Variants in ZNF644 observed in about 807,000 individuals in gnomAD.
ZNF644 encodes the protein zinc finger motif enhancer binding protein 2.
A neutral mutation model predicts 108.0 loss-of-function variants in ZNF644; 20 were observed. The observed-to-expected ratio is 0.19, with a 90% CI of 0.13 to 0.27. The LOEUF is 0.27. Ranked by LOEUF, ZNF644 falls within the 10% of genes least tolerant of loss-of-function variation. The probability of loss-of-function intolerance (pLI) is 1.00; values close to 1 mark genes in which losing one functional copy is unlikely to be tolerated. For missense variants in ZNF644, 1,338 were observed against 1,548.9 expected (o/e 0.86, Z 2.29); for synonymous variants, 542 against 539.1 (o/e 1.01, Z -0.08).
At chr1:90,998,248 C>T (rs1289602342) in intron 1 of ZNF644, among the ~76,000 whole-genome samples, 1 of 152,200 alleles carries the variant, frequency 6.6e-6, no homozygotes, top group Non-Finnish European at 1.5e-5. Flanking sequence ...AGACTGCCTC[C>T]TCAAGTGGGT....
At chr1:90,964,511 T>G (rs1264537302) in intron 2 of ZNF644, among the ~76,000 whole-genome samples, 2 of 152,154 alleles carry the variant, frequency 1.3e-5, no homozygotes, top group African/African-American at 4.8e-5. Flanking sequence ...TAATATTTTA[T>G]TTACAGAAGA....
chr1:91,016,374 T>C (rs887452797), intron 1 of ZNF644, among the ~76,000 whole-genome samples: 1 of 152,178 alleles, frequency 6.6e-6, no homozygotes, highest in Non-Finnish European at 1.5e-5. Context: ...CAAACAAACC[T>C]AGATGGTAGA....
At chr1:90,933,117 GTTA>G (rs1222605040) in intron 4 of ZNF644, among the ~76,000 whole-genome samples, 1 of 152,110 alleles carries the variant, frequency 6.6e-6, no homozygotes, top group Non-Finnish European at 1.5e-5. Flanking sequence ...TTTACTACCA[GTTA>G]TTTATAAGTA....
intron 2 of ZNF644, among the ~76,000 whole-genome samples, chr1:90,969,704 T>C (rs944392513): frequency 6.6e-6 from 1 of 152,214 alleles, no homozygotes. Flanking sequence ...TAAACCTTAC[T>C]TTACTTAATT....
At chr1:90,981,540 G>A (rs1183317374) in intron 2 of ZNF644, among the ~76,000 whole-genome samples, 1 of 151,894 alleles carries the variant, frequency 6.6e-6, no homozygotes, top group African/African-American at 2.4e-5. Context: ...TCTGGTTAGA[G>A]GGAAAACCAA....
chr1:90,962,331 C>T (rs1235709528), intron 2 of ZNF644, among the ~76,000 whole-genome samples: 1 of 151,776 alleles, frequency 6.6e-6, no homozygotes, highest in African/African-American at 2.4e-5. Flanking sequence ...GGGAAAAAAA[C>T]AGAGTCCATA....
intron 2 of ZNF644, among the ~76,000 whole-genome samples, chr1:90,975,436 CT>C (rs1243944087): frequency 0.018 from 2,427 of 135,330 alleles, 22 homozygotes; most frequent in Middle Eastern, 0.054. Flanking sequence ...CAAATATCTA[CT>C]TTTTTTTTTT....
At position 91,015,663 on chromosome 1, in the gene ZNF644, T is replaced by C. The variant is rs114596880; in HGVS notation, c.-18+6327A>G. 2.4e-3 allele frequency among the ~76,000 whole-genome samples: 360 copies of C among 152,280 alleles called. 1 individual carries two copies. The highest frequency in any genetic ancestry group is 8.3e-3 in the African/African-American group (345 of 41,550). On this transcript the variant is annotated intron_variant, in intron 1 of 5. Transcript: ENST00000337393. ...GTGCTGGGAATGCATTCCTGAAATA[T>C]TTAACCTGGTTATAAGATTCTGCTG...
chr1:90,919,408 A>G (rs372687115), intron 4 of ZNF644, among the ~76,000 whole-genome samples: 4 of 152,186 alleles, frequency 2.6e-5, no homozygotes, highest in Non-Finnish European at 4.4e-5. Context: ...CCAGATTCCA[A>G]AAGAATAGAT....
chr1:90,927,758 T>G (rs2100838485), intron 4 of ZNF644, among the ~76,000 whole-genome samples: 1 of 152,260 alleles, frequency 6.6e-6, no homozygotes, highest in African/African-American at 2.4e-5. Flanking sequence ...TTTTAAAATA[T>G]AAGTTTAACC....
intron 1 of ZNF644, among the ~76,000 whole-genome samples, chr1:91,002,906 T>C (rs1221302715): frequency 1.3e-4 from 20 of 152,242 alleles, no homozygotes; most frequent in African/African-American, 7.2e-5. Context: ...AAGACATTTA[T>C]GCAGCCAAAA....
chr1:90,945,829 G>A (rs1206207389), intron 2 of ZNF644, among the ~76,000 whole-genome samples: 1 of 151,990 alleles, frequency 6.6e-6, no homozygotes, highest in Non-Finnish European at 1.5e-5. Context: ...TTAACATTTT[G>A]TGGGTACTTA....
chr1:90,992,003 G>A (rs1378383660), intron 1 of ZNF644, among the ~76,000 whole-genome samples: 1 of 151,836 alleles, frequency 6.6e-6, no homozygotes. Context: ...CAACATGAAT[G>A]AATCTCAAAA....
intron 4 of ZNF644, among the ~76,000 whole-genome samples, chr1:90,923,540 T>C (rs1649707114): frequency 1.3e-5 from 2 of 152,152 alleles, no homozygotes; most frequent in South Asian, 2.1e-4. Context: ...AGTATAAAGA[T>C]ACACATTTGG....
At chr1:90,917,077 A>T in intron 5 of ZNF644, 87 bp from the exon 6 acceptor site, 1 of 1,358,334 alleles carries the variant, frequency 7.4e-7, no homozygotes, top group Non-Finnish European at 1.0e-6. Flanking sequence ...TAAGGAATAA[A>T]CTTTATCATA....
intron 2 of ZNF644, among the ~76,000 whole-genome samples, chr1:90,958,684 T>C (rs1277385977): frequency 2.6e-5 from 4 of 152,198 alleles, no homozygotes; most frequent in Non-Finnish European, 5.9e-5. Flanking sequence ...GGCCAATTCA[T>C]TTCCAACAAA....
At chr1:90,984,701 A>G (rs1226154095) in intron 1 of ZNF644, among the ~76,000 whole-genome samples, 1 of 152,110 alleles carries the variant, frequency 6.6e-6, no homozygotes, top group Non-Finnish European at 1.5e-5. Context: ...CCTGACTGGT[A>G]TCATTCTAAG....
At chr1:90,958,190 C>A (rs372231152) in intron 2 of ZNF644, among the ~76,000 whole-genome samples, 8 of 139,042 alleles carry the variant, frequency 5.8e-5, no homozygotes. Context: ...AAGCTGAAAT[C>A]GCACCACTGC....
chr1:90,958,022 A>G (rs930747476), intron 2 of ZNF644, among the ~76,000 whole-genome samples: 7 of 152,054 alleles, frequency 4.6e-5, no homozygotes, highest in African/African-American at 1.7e-4. Context: ...TCCATTTGCA[A>G]TAGCATCAAA....
Sources: gnomAD v4.1 joint callset for allele counts (sites outside exome capture counted in the v4.1 genomes callset) on GRCh38, gnomAD v4.1.1 for gene constraint, MANE v1.5 for transcripts, NCBI Gene and HGNC (gene_info 2026-07-23, HGNC 2026-07-21) for gene names.